Variants in MTA3 observed in about 807,000 individuals in gnomAD.
MTA3 encodes the protein metastasis associated 1 family member 3.
In MTA3, 34 loss-of-function variants were observed where a neutral mutation model predicts 83.5. The ratio of observed to expected loss-of-function variants is 0.41; its 90% CI spans 0.31 to 0.54. The LOEUF (loss-of-function observed/expected upper bound fraction) is 0.54. Among genes scored for constraint, MTA3 ranks in the 20% least tolerant of loss-of-function variants. The pLI is 0.33. For synonymous variants in MTA3, 303 were observed against 252.7 expected, an observed-to-expected ratio of 1.20 and a Z score of -1.89; for missense variants, 761 against 726.4, an observed-to-expected ratio of 1.05 and a Z score of -0.55.
intron 8 of MTA3, among the ~76,000 whole-genome samples, chr2:42,678,005 G>T (rs1306384023): frequency 6.6e-6 from 1 of 152,190 alleles, no homozygotes; most frequent in African/African-American, 2.4e-5. Context: ...TATGTACAAT[G>T]GAGTTGATGT....
At chr2:42,675,825 T>TA (rs1691302644) in intron 8 of MTA3, among the ~76,000 whole-genome samples, 1 of 152,246 alleles carries the variant, frequency 6.6e-6, no homozygotes, top group African/African-American at 2.4e-5. Flanking sequence ...TGTATTCATG[T>TA]AAAGCTCTTA....
intron 2 of MTA3, among the ~76,000 whole-genome samples, chr2:42,510,311 GAAAAAA>G (rs1260439717): frequency 1.1e-5 from 1 of 87,378 alleles, no homozygotes; most frequent in Non-Finnish European, 2.3e-5. Context: ...GGGCGACTCA[GAAAAAA>G]AAAAAAAAAA....
intron 5 of MTA3, among the ~76,000 whole-genome samples, chr2:42,643,141 CTG>C (rs1687856253): frequency 1.4e-5 from 2 of 147,328 alleles, no homozygotes; most frequent in South Asian, 4.4e-4. Context: ...TGGAATAACT[CTG>C]TTTTTTTTCC....
At chr2:42,506,411 G>A (rs201431508) in intron 2 of MTA3, among the ~76,000 whole-genome samples, 2 of 151,938 alleles carry the variant, frequency 1.3e-5, no homozygotes, top group Non-Finnish European at 2.9e-5. Flanking sequence ...CCATGATCAT[G>A]CCACTGCACT....
intron 16 of MTA3, among the ~76,000 whole-genome samples, chr2:42,727,609 GA>G (rs1316766620): frequency 1.2e-4 from 18 of 151,788 alleles, no homozygotes; most frequent in African/African-American, 3.6e-4. Flanking sequence ...GCCATGGGGG[GA>G]AAAAGGGGTA....
chr2:42,613,520 G>A (rs1456384378), intron 4 of MTA3, among the ~76,000 whole-genome samples: 1 of 152,214 alleles, frequency 6.6e-6, no homozygotes, highest in African/African-American at 2.4e-5. Context: ...TTTTGCTAAT[G>A]TTGAAGTCAT....
At chr2:42,679,734 A>G (rs1027554878) in intron 8 of MTA3, among the ~76,000 whole-genome samples, 9 of 152,164 alleles carry the variant, frequency 5.9e-5, no homozygotes, top group African/African-American at 2.2e-4. Flanking sequence ...TACACCAAGG[A>G]TTACCTCCAT....
At chr2:42,501,725 T>C (rs1459068419) in intron 2 of MTA3, among the ~76,000 whole-genome samples, 3 of 152,056 alleles carry the variant, frequency 2.0e-5, no homozygotes, top group Admixed American at 2.0e-4. Flanking sequence ...TGCCTGTAAT[T>C]CCAGCACTTT....
intron 4 of MTA3, among the ~76,000 whole-genome samples, chr2:42,632,966 TAA>T (rs796447245): frequency 6.9e-6 from 1 of 145,506 alleles, no homozygotes; most frequent in African/African-American, 2.5e-5. Flanking sequence ...TACTCCTTTT[TAA>T]AAAAAAAAAA....
intron 8 of MTA3, among the ~76,000 whole-genome samples, chr2:42,671,775 A>C (rs6708408): frequency 6.6e-6 from 1 of 151,968 alleles, no homozygotes; most frequent in Non-Finnish European, 1.5e-5. Context: ...TGTGCTACCA[A>C]TTGTTTCCAT....
chr2:42,555,923 G>A lies in MTA3; in HGVS notation c.-140-14514G>A, dbSNP rs113267182. Among the ~76,000 whole-genome samples the A allele has an allele frequency of 6.1e-3, 907 of 149,748 alleles. 8 individuals are homozygous for A. The highest frequency in any genetic ancestry group is 0.02 in the African/African-American group (819 of 40,698). On this transcript the variant is annotated intron_variant, in intron 2 of 17. Coordinates refer to the MTA3 transcript ENST00000405592. ...CCTGCCTCTACTAAAAATATAAAAA[G>A]TAGCCAGACATGGTGGTGGGCGCCT... is the stretch of plus-strand genomic sequence containing the variant.
upstream of MTA3, chr2:42,568,610 T>TC (rs1678062096): frequency 4.7e-4 from 55 of 116,140 alleles, no homozygotes; most frequent in African/African-American, 2.3e-3. Context: ...CCCTGTCCCC[T>TC]CCCTTCCCTC....
intron 4 of MTA3, among the ~76,000 whole-genome samples, chr2:42,610,651 CA>C (rs2104093674): frequency 6.6e-6 from 1 of 152,198 alleles, no homozygotes; most frequent in African/African-American, 2.4e-5. Context: ...ATAATCAGTG[CA>C]TCTTAGAGGT....
At chr2:42,591,032 C>A (rs1296322598) in intron 3 of MTA3, among the ~76,000 whole-genome samples, 1 of 152,104 alleles carries the variant, frequency 6.6e-6, no homozygotes, top group African/African-American at 2.4e-5. Context: ...TGCTTTGTGA[C>A]AAGGATATGT....
intron 8 of MTA3, among the ~76,000 whole-genome samples, chr2:42,674,755 T>A (rs10176528): frequency 6.6e-6 from 1 of 151,118 alleles, no homozygotes; most frequent in Admixed American, 6.6e-5. Flanking sequence ...CGTGCCACCA[T>A]GCCCGGCTAA....
chr2:42,705,914 A>C (rs1054550247), intron 12 of MTA3, among the ~76,000 whole-genome samples: 1 of 152,176 alleles, frequency 6.6e-6, no homozygotes, highest in Non-Finnish European at 1.5e-5. Context: ...ATAGAACTTG[A>C]TGTTTTCTAT....
intron 4 of MTA3, among the ~76,000 whole-genome samples, chr2:42,632,966 TA>T (rs796447245): frequency 0.019 from 2,811 of 145,178 alleles, 60 homozygotes; most frequent in African/African-American, 0.059. Context: ...TACTCCTTTT[TA>T]AAAAAAAAAA....
At chr2:42,510,435 A>G (rs1674845914) in intron 2 of MTA3, among the ~76,000 whole-genome samples, 1 of 152,018 alleles carries the variant, frequency 6.6e-6, no homozygotes, top group African/African-American at 2.4e-5. Context: ...TCTTGAGATC[A>G]GCTCCCATCA....
chr2:42,737,848 T>C (rs1668722216), intron 16 of MTA3, among the ~76,000 whole-genome samples: 1 of 152,192 alleles, frequency 6.6e-6, no homozygotes, highest in Non-Finnish European at 1.5e-5. Context: ...ATTTGTATAT[T>C]GAATACAGCA....
Sources: gnomAD v4.1 joint callset for allele counts (sites outside exome capture counted in the v4.1 genomes callset) on GRCh38, gnomAD v4.1.1 for gene constraint, MANE v1.5 for transcripts, NCBI Gene and HGNC (gene_info 2026-07-23, HGNC 2026-07-21) for gene names.